Variants in TMEM232 observed in about 807,000 individuals in gnomAD.
TMEM232 encodes transmembrane protein 232.
TMEM232 carries 80 observed loss-of-function variants against 78.8 expected under a neutral mutation model. The observed-to-expected ratio is 1.01, with a 90% CI of 0.85 to 1.22. TMEM232 has a LOEUF of 1.22. Ranked by LOEUF, TMEM232 falls within the 50% of genes most tolerant of loss-of-function variation. The pLI, the probability that TMEM232 is intolerant of heterozygous loss-of-function variation, is 0.00. For missense variants in TMEM232, 881 were observed against 742.2 expected (o/e 1.19, Z -2.17); for synonymous variants, 297 against 254.3 (o/e 1.17, Z -1.60).
intron 5 of TMEM232, among the ~76,000 whole-genome samples, chr5:110,632,814 T>A (rs1785306897): frequency 6.6e-6 from 1 of 152,134 alleles, no homozygotes; most frequent in South Asian, 2.1e-4. Context: ...GAAAAGTGAA[T>A]GAAAGGGTTC....
chr5:110,461,661 A>G (rs1761544039), intron 12 of TMEM232, among the ~76,000 whole-genome samples: 1 of 152,204 alleles, frequency 6.6e-6, no homozygotes, highest in Non-Finnish European at 1.5e-5. Context: ...CTTGGCTTCA[A>G]AGTTTCAAAG....
At chr5:110,735,194 T>C (rs1799034865) in intron 1 of TMEM232, among the ~76,000 whole-genome samples, 1 of 152,228 alleles carries the variant, frequency 6.6e-6, no homozygotes, top group African/African-American at 2.4e-5. Context: ...GAGCAAAATG[T>C]TAACATAAAT....
chr5:110,695,246 G>A (rs1193419306), intron 1 of TMEM232, among the ~76,000 whole-genome samples: 4 of 152,104 alleles, frequency 2.6e-5, no homozygotes, highest in Non-Finnish European at 4.4e-5. Context: ...GATGTTCTTC[G>A]AAACCAATGA....
At chr5:110,591,807 A>C (rs2149774399) in intron 10 of TMEM232, among the ~76,000 whole-genome samples, 1 of 152,314 alleles carries the variant, frequency 6.6e-6, no homozygotes, top group Middle Eastern at 3.4e-3. Context: ...TACTAATGTT[A>C]AAGGTATTAT....
intron 8 of TMEM232, 129 bp downstream of exon 8, chr5:110,618,300 G>T: frequency 8.5e-7 from 1 of 1,173,074 alleles, no homozygotes; most frequent in Non-Finnish European, 1.2e-6. Flanking sequence ...CATTGCCTTT[G>T]GAACTGAGAT....
intron 2 of TMEM232, among the ~76,000 whole-genome samples, chr5:110,412,416 G>A (rs186882886): frequency 6.6e-6 from 1 of 152,150 alleles, no homozygotes; most frequent in East Asian, 1.9e-4. Context: ...CTGAACATGG[G>A]CATTCTGAGA....
At chr5:110,410,432 C>A (rs927812771) in intron 2 of TMEM232, among the ~76,000 whole-genome samples, 1 of 152,152 alleles carries the variant, frequency 6.6e-6, no homozygotes, top group African/African-American at 2.4e-5. Flanking sequence ...AATTTACTTA[C>A]ACTACACTCA....
At chr5:110,405,148 T>C (rs1561458219) in intron 2 of TMEM232, among the ~76,000 whole-genome samples, 2 of 151,970 alleles carry the variant, frequency 1.3e-5, no homozygotes, top group Non-Finnish European at 2.9e-5. Flanking sequence ...ATTTGGAATA[T>C]AAAGCAAGAT....
chr5:110,526,180 A>C (rs1236852137), intron 12 of TMEM232, among the ~76,000 whole-genome samples: 1 of 151,554 alleles, frequency 6.6e-6, no homozygotes, highest in Non-Finnish European at 1.5e-5. Flanking sequence ...TAAATAGAAC[A>C]AAAAAATCCA....
intron 8 of TMEM232, among the ~76,000 whole-genome samples, chr5:110,616,971 T>TG (rs549160974): frequency 3.6e-4 from 55 of 152,332 alleles, no homozygotes; most frequent in African/African-American, 1.3e-3. Flanking sequence ...AAGAGATAAC[T>TG]GAACTACGTT....
chr5:110,411,469 A>G (rs781406350), intron 2 of TMEM232, among the ~76,000 whole-genome samples: 1 of 152,168 alleles, frequency 6.6e-6, no homozygotes, highest in Non-Finnish European at 1.5e-5. Context: ...GTGGTAGAAT[A>G]CACATAACAT....
chr5:110,642,452 A>T, intron 2 of TMEM232, 81 bp from the exon 3 acceptor site: 1 of 921,148 alleles, frequency 1.1e-6, no homozygotes, highest in South Asian at 1.8e-5. Flanking sequence ...TCCAGTGGCT[A>T]TGTATAACTA....
intron 2 of TMEM232, among the ~76,000 whole-genome samples, chr5:110,666,003 G>C (rs1292757712): frequency 6.6e-6 from 1 of 151,742 alleles, no homozygotes; most frequent in African/African-American, 2.4e-5. Context: ...CAGGATTATA[G>C]TAAGCTATAG....
At chr5:110,547,998 C>CAA (rs938444289) in intron 11 of TMEM232, among the ~76,000 whole-genome samples, 2,461 of 48,552 alleles carry the variant, frequency 0.051, 66 homozygotes, top group African/African-American at 0.092. Flanking sequence ...ACTCCATCTC[C>CAA]AAAAAAAAAA....
intron 12 of TMEM232, among the ~76,000 whole-genome samples, chr5:110,506,667 C>G (rs1244475337): frequency 6.6e-6 from 1 of 152,144 alleles, no homozygotes; most frequent in Non-Finnish European, 1.5e-5. Context: ...TATAAGGAAT[C>G]ACTTTGTGAC....
At chr5:110,632,985 C>T (rs1319228996) in intron 5 of TMEM232, among the ~76,000 whole-genome samples, 1 of 151,912 alleles carries the variant, frequency 6.6e-6, no homozygotes, top group African/African-American at 2.4e-5. Flanking sequence ...CTAAAAGAAA[C>T]AGAAAAATCA....
intron 11 of TMEM232, among the ~76,000 whole-genome samples, chr5:110,559,097 T>G (rs1775456002): frequency 6.6e-6 from 1 of 152,118 alleles, no homozygotes; most frequent in Non-Finnish European, 1.5e-5. Flanking sequence ...AGTCAGCCAT[T>G]GTGGTTCTTC....
chr5:110,715,462 C>T (rs1199609896), intron 1 of TMEM232, among the ~76,000 whole-genome samples: 2 of 152,084 alleles, frequency 1.3e-5, no homozygotes, highest in Non-Finnish European at 2.9e-5. Context: ...TCATGAAGAA[C>T]TGAACACTGA....
At chr5:110,600,383 T>C (rs1439311149) in intron 10 of TMEM232, among the ~76,000 whole-genome samples, 1 of 152,012 alleles carries the variant, frequency 6.6e-6, no homozygotes, top group Non-Finnish European at 1.5e-5. Flanking sequence ...AGCTGGTTTT[T>C]GGAAAAGAAT....
Sources: allele counts gnomAD v4.1 joint callset (sites outside exome capture counted in the v4.1 genomes callset), GRCh38; gene constraint gnomAD v4.1.1; transcripts MANE v1.5; gene names NCBI Gene and HGNC (gene_info 2026-07-23, HGNC 2026-07-21).